Variants in GLRA1 observed in about 807,000 individuals in gnomAD.
GLRA1 encodes glycine receptor alpha 1.
Under a neutral mutation model 48.3 loss-of-function variants are expected in GLRA1, and 37 were observed. The ratio of observed to expected loss-of-function variants is 0.77; its 90% CI spans 0.59 to 1.01. The LOEUF is 1.01. Among genes scored for constraint, GLRA1 ranks in the 50% least tolerant of loss-of-function variants. The probability of loss-of-function intolerance (pLI) is 0.00; values close to 1 mark genes in which losing one functional copy is unlikely to be tolerated. For missense variants in GLRA1, 427 were observed against 571.0 expected, an observed-to-expected ratio of 0.75 and a Z score of 2.57; for synonymous variants, 196 against 210.7, an observed-to-expected ratio of 0.93 and a Z score of 0.60.
intron 8 of GLRA1, among the ~76,000 whole-genome samples, chr5:151,828,561 A>G (rs1008328336): frequency 5.3e-5 from 8 of 152,212 alleles, no homozygotes; most frequent in African/African-American, 1.9e-4. Context: ...AATCAAGCCT[A>G]TTAAAACAAT....
chr5:151,834,068 G>A (rs190927702), intron 7 of GLRA1, among the ~76,000 whole-genome samples: 3 of 152,118 alleles, frequency 2.0e-5, no homozygotes, highest in South Asian at 2.1e-4. Context: ...TTAGATCAAC[G>A]AGACAAAAAA....
intron 8 of GLRA1, among the ~76,000 whole-genome samples, chr5:151,828,352 C>T (rs2113288635): frequency 6.6e-6 from 1 of 152,306 alleles, no homozygotes; most frequent in East Asian, 1.9e-4. Context: ...TTGGTCAGTG[C>T]ACAACCTCGT....
At chr5:151,887,115 A>T (rs1365489117) in intron 2 of GLRA1, among the ~76,000 whole-genome samples, 1 of 152,232 alleles carries the variant, frequency 6.6e-6, no homozygotes, top group African/African-American at 2.4e-5. Flanking sequence ...TCAGCCACAA[A>T]TTAGTGGCTG....
intron 1 of GLRA1, among the ~76,000 whole-genome samples, chr5:151,911,422 G>T (rs1408206251): frequency 1.3e-5 from 2 of 151,978 alleles, no homozygotes; most frequent in Non-Finnish European, 2.9e-5. Context: ...CCAACTATAT[G>T]CCCTCTCCCT....
chr5:151,918,996 G>A (rs920751140), intron 1 of GLRA1, among the ~76,000 whole-genome samples: 5 of 152,140 alleles, frequency 3.3e-5, no homozygotes, highest in African/African-American at 9.7e-5. Flanking sequence ...TGGGTACATA[G>A]GAGATTCATG....
chr5:151,836,151 T>A (rs1763572920), intron 7 of GLRA1, among the ~76,000 whole-genome samples: 1 of 152,142 alleles, frequency 6.6e-6, no homozygotes. Flanking sequence ...TCACAAGTAT[T>A]CCTATACACC....
At chr5:151,902,240 G>A (rs1754383574) in intron 1 of GLRA1, among the ~76,000 whole-genome samples, 2 of 152,040 alleles carry the variant, frequency 1.3e-5, no homozygotes, top group Admixed American at 1.3e-4. Context: ...TGACACTGAG[G>A]CTCGATTGAA....
At chr5:151,848,979 G>A in intron 7 of GLRA1, 2 of 708,676 alleles carry the variant, frequency 2.8e-6, no homozygotes, top group Non-Finnish European at 2.7e-6. Context: ...ATGTATGTCT[G>A]GATCGATGGT....
At chr5:151,854,449 C>T (rs1752984202) in intron 6 of GLRA1, among the ~76,000 whole-genome samples, 1 of 152,208 alleles carries the variant, frequency 6.6e-6, no homozygotes, top group South Asian at 2.1e-4. Context: ...TTTCTTCTTC[C>T]ATGCTTTTAT....
At chr5:151,903,559 G>A (rs977404560) in intron 1 of GLRA1, among the ~76,000 whole-genome samples, 1 of 152,194 alleles carries the variant, frequency 6.6e-6, no homozygotes, top group African/African-American at 2.4e-5. Flanking sequence ...TGGGCAAGAA[G>A]TGAGTAGTAG....
At chr5:151,848,873 A>T in intron 7 of GLRA1, 1 of 627,088 alleles carries the variant, frequency 1.6e-6, no homozygotes, top group Admixed American at 1.9e-5. Context: ...AGCGCCCAGA[A>T]CACCTTCCAC....
intron 8 of GLRA1, among the ~76,000 whole-genome samples, chr5:151,824,808 A>G (rs572213657): frequency 7.9e-5 from 12 of 152,278 alleles, no homozygotes; most frequent in African/African-American, 2.6e-4. Flanking sequence ...CTAGATTATA[A>G]GCTCCGTGCA....
intron 3 of GLRA1, among the ~76,000 whole-genome samples, chr5:151,883,892 G>A (rs1365290692): frequency 1.3e-5 from 2 of 152,186 alleles, no homozygotes; most frequent in African/African-American, 4.8e-5. Flanking sequence ...GCAAAATGCA[G>A]CAGAAGTGAA....
intron 1 of GLRA1, among the ~76,000 whole-genome samples, chr5:151,908,707 C>T (rs577473127): frequency 4.1e-4 from 62 of 151,966 alleles, no homozygotes; most frequent in African/African-American, 1.4e-3. Context: ...TCTTTCTTCT[C>T]GTTTGTTGCT....
intron 6 of GLRA1, among the ~76,000 whole-genome samples, chr5:151,853,848 A>T (rs557857237): frequency 3.7e-4 from 57 of 152,268 alleles, no homozygotes; most frequent in Non-Finnish European, 5.9e-5. Context: ...TTAATCTTAA[A>T]TTTAGGTCTT....
intron 1 of GLRA1, among the ~76,000 whole-genome samples, chr5:151,919,554 C>T (rs952236480): frequency 6.6e-6 from 1 of 152,200 alleles, no homozygotes; most frequent in Non-Finnish European, 1.5e-5. Flanking sequence ...GACTATACCT[C>T]GATGTGGCTA....
At chr5:151,883,815 A>G (rs1753826296) in intron 3 of GLRA1, among the ~76,000 whole-genome samples, 1 of 152,206 alleles carries the variant, frequency 6.6e-6, no homozygotes, top group Non-Finnish European at 1.5e-5. Context: ...CACAGAGCTG[A>G]GCCTCAGATG....
At chr5:151,875,364 G>A (rs1467135738) in intron 3 of GLRA1, among the ~76,000 whole-genome samples, 4 of 152,044 alleles carry the variant, frequency 2.6e-5, no homozygotes, top group African/African-American at 4.8e-5. Context: ...TGTAGAGATG[G>A]GGTTTCACTT....
intron 3 of GLRA1, among the ~76,000 whole-genome samples, chr5:151,866,338 C>A (rs940833753): frequency 6.6e-6 from 1 of 152,206 alleles, no homozygotes; most frequent in Non-Finnish European, 1.5e-5. Context: ...TTCCTATGCA[C>A]CACCTGAAGT....
Sources: allele counts gnomAD v4.1 joint callset (sites outside exome capture counted in the v4.1 genomes callset), GRCh38; gene constraint gnomAD v4.1.1; transcripts MANE v1.5; gene names NCBI Gene and HGNC (gene_info 2026-07-23, HGNC 2026-07-21).